APBB2: variants seen among roughly 807,000 people sequenced by gnomAD.
APBB2 encodes the protein amyloid beta precursor protein binding family B member 2, also known as Fe65-like 1.
A neutral mutation model predicts 82.5 loss-of-function variants in APBB2; 38 were observed. The observed-to-expected ratio is 0.46, with a 90% CI of 0.36 to 0.60. APBB2 has a LOEUF of 0.60. Among genes scored for constraint, APBB2 ranks in the 20% least tolerant of loss-of-function variants. The pLI, the probability that APBB2 is intolerant of heterozygous loss-of-function variation, is 0.00. For synonymous variants in APBB2, 341 were observed against 368.2 expected (o/e 0.93, Z 0.85); for missense variants, 772 against 972.3 (o/e 0.79, Z 2.74).
At chr4:41,059,617 G>A (rs889030685) in intron 4 of APBB2, among the ~76,000 whole-genome samples, 3 of 152,230 alleles carry the variant, frequency 2.0e-5, no homozygotes, top group Admixed American at 6.5e-5. Flanking sequence ...ATGCCTTAAG[G>A]GCATGTTCCT....
chr4:40,834,890 T>C (rs1753338650), intron 12 of APBB2, among the ~76,000 whole-genome samples: 1 of 152,174 alleles, frequency 6.6e-6, no homozygotes, highest in Non-Finnish European at 1.5e-5. Flanking sequence ...GCCACTCGGT[T>C]TGTGGCCATT....
At chr4:41,015,749 C>A (rs1289672540) in intron 5 of APBB2, among the ~76,000 whole-genome samples, 1 of 152,124 alleles carries the variant, frequency 6.6e-6, no homozygotes, top group Non-Finnish European at 1.5e-5. Context: ...GGGCCCCATT[C>A]TTTAAAGTTA....
Position 40,993,362 on chromosome 4 carries a change from T to TC in APBB2, c.835+20220_835+20221insG, listed in dbSNP as rs1491271704. On this transcript the variant is annotated intron_variant, in intron 6 of 17. Transcript: ENST00000508593. The stretch of plus-strand genomic sequence containing the variant: ...AGGAGCAATTAAGAACTCTTCTCTC[T>TC]TTTTTTTTTTTTTTTTTTTTTTTAA... 5.5e-3 allele frequency among the ~76,000 whole-genome samples: 279 copies of TC among 51,174 alleles called. 1 individual carries two copies. The highest frequency in any genetic ancestry group is 7.3e-3 in the East Asian group (24 of 3,296). 33.6% of individuals were successfully genotyped at this position (51,174 alleles called of 152,430 possible).
At chr4:41,165,758 C>A (rs1268876153) in intron 1 of APBB2, among the ~76,000 whole-genome samples, 2 of 152,126 alleles carry the variant, frequency 1.3e-5, no homozygotes. Flanking sequence ...CATGAAGGTA[C>A]CAGCAGTCAC....
At chr4:40,882,232 G>C (rs1396760979) in intron 12 of APBB2, among the ~76,000 whole-genome samples, 3 of 152,156 alleles carry the variant, frequency 2.0e-5, no homozygotes, top group East Asian at 1.9e-4. Context: ...CTGTTAAGAG[G>C]GGGGCTCTGA....
At chr4:40,955,648 C>T (rs1277607000) in intron 6 of APBB2, among the ~76,000 whole-genome samples, 3 of 152,154 alleles carry the variant, frequency 2.0e-5, no homozygotes, top group Non-Finnish European at 2.9e-5. Context: ...CACAGTGGCT[C>T]GTGCCTGTAA....
intron 4 of APBB2, among the ~76,000 whole-genome samples, chr4:41,061,584 G>A (rs148771200): frequency 9.8e-5 from 15 of 152,340 alleles, no homozygotes; most frequent in Non-Finnish European, 1.9e-4. Context: ...AATCTTATGG[G>A]ACTACTGTTG....
At chr4:41,094,011 T>C (rs1248950372) in intron 3 of APBB2, among the ~76,000 whole-genome samples, 1 of 152,190 alleles carries the variant, frequency 6.6e-6, no homozygotes, top group Admixed American at 6.5e-5. Context: ...CTGTCAGCTA[T>C]GTGAGGTAAT....
Position 41,201,640 on chromosome 4 carries a change from C to T in APBB2, c.-417+12765G>A, listed in dbSNP as rs113660175. Among the ~76,000 whole-genome samples, 523 of 152,154 alleles carry T rather than the reference C, an allele frequency of 3.4e-3. 2 individuals are homozygous for T. The highest frequency in any genetic ancestry group is 6.2e-3 in the Non-Finnish European group (420 of 67,996). On this transcript the variant is annotated intron_variant, in intron 1 of 17. Coordinates refer to ENST00000508593, the MANE Select transcript of APBB2 (RefSeq NM_004307.2). ...GGGCACCCACCTATATCCGTCTATC[C>T]CAGAGTAAGGCCTGAATTTAAACCC... is the stretch of plus-strand genomic sequence containing the variant.
At chr4:40,845,523 A>G (rs7684679) in intron 12 of APBB2, among the ~76,000 whole-genome samples, 26,596 of 150,202 alleles carry the variant, frequency 0.18, 2,455 homozygotes, top group African/African-American at 0.2. Context: ...TTTCATTAAT[A>G]TAAGCCTGAA....
chr4:41,136,255 A>G (rs1757529455), intron 2 of APBB2, among the ~76,000 whole-genome samples: 1 of 152,202 alleles, frequency 6.6e-6, no homozygotes, highest in Non-Finnish European at 1.5e-5. Context: ...TTTCCAGAAC[A>G]TTATACTACA....
At chr4:40,937,009 G>A (rs1254904122) in intron 7 of APBB2, among the ~76,000 whole-genome samples, 1 of 152,174 alleles carries the variant, frequency 6.6e-6, no homozygotes, top group Non-Finnish European at 1.5e-5. Flanking sequence ...TAATATGGAT[G>A]TGAGATGAGG....
At chr4:41,105,613 A>G (rs919673323) in intron 2 of APBB2, among the ~76,000 whole-genome samples, 21 of 152,202 alleles carry the variant, frequency 1.4e-4, no homozygotes, top group South Asian at 2.1e-4. Context: ...GGCCAGGCGC[A>G]GTGGCTCACG....
intron 5 of APBB2, among the ~76,000 whole-genome samples, chr4:41,020,392 C>T (rs1811161670): frequency 6.6e-6 from 1 of 152,206 alleles, no homozygotes; most frequent in South Asian, 2.1e-4. Context: ...AAAAAAGACA[C>T]AATGGGTATT....
At chr4:41,017,920 T>C (rs1215798150) in intron 5 of APBB2, among the ~76,000 whole-genome samples, 2 of 152,242 alleles carry the variant, frequency 1.3e-5, no homozygotes, top group African/African-American at 4.8e-5. Flanking sequence ...AATGTTTCTT[T>C]AAACCTTCTA....
chr4:41,203,528 CCT>C (rs1561029175), intron 1 of APBB2, among the ~76,000 whole-genome samples: 3 of 152,244 alleles, frequency 2.0e-5, no homozygotes, highest in Middle Eastern at 6.8e-3. Context: ...GGTTTTCCCC[CCT>C]GAATTCTGGA....
At chr4:40,854,658 G>A (rs368371019) in intron 12 of APBB2, among the ~76,000 whole-genome samples, 102 of 152,060 alleles carry the variant, frequency 6.7e-4, no homozygotes, top group African/African-American at 2.4e-3. Flanking sequence ...GTGTGGTGGC[G>A]GGCGCCTGTA....
intron 3 of APBB2, among the ~76,000 whole-genome samples, chr4:41,084,208 T>C (rs1192620467): frequency 6.6e-6 from 1 of 152,172 alleles, no homozygotes; most frequent in Admixed American, 6.5e-5. Context: ...GCGGATCACC[T>C]GAGGTCGGGA....
intron 7 of APBB2, among the ~76,000 whole-genome samples, chr4:40,942,148 G>A (rs1050479681): frequency 6.6e-6 from 1 of 152,096 alleles, no homozygotes; most frequent in Non-Finnish European, 1.5e-5. Flanking sequence ...AAATCTGCTT[G>A]GTTCTTTGAC....
Sources: allele counts gnomAD v4.1 joint callset (sites outside exome capture counted in the v4.1 genomes callset), GRCh38; gene constraint gnomAD v4.1.1; transcripts MANE v1.5; gene names NCBI Gene and HGNC (gene_info 2026-07-23, HGNC 2026-07-21).